DDX4: variants seen among roughly 807,000 people sequenced by gnomAD.
The protein encoded by DDX4 is DEAD-box helicase 4, also known as probable ATP-dependent RNA helicase DDX4.
Under a neutral mutation model 100.0 loss-of-function variants are expected in DDX4, and 25 were observed. The observed-to-expected ratio is 0.25, with a 90% CI of 0.18 to 0.35. The LOEUF is 0.35. Ranked by LOEUF, DDX4 falls within the 10% of genes least tolerant of loss-of-function variation. The pLI is 1.00. For synonymous variants in DDX4, 259 were observed against 275.7 expected, an observed-to-expected ratio of 0.94 and a Z score of 0.60; for missense variants, 635 against 882.4, an observed-to-expected ratio of 0.72 and a Z score of 3.55.
chr5:55,759,498 T>C (rs891981484), intron 3 of DDX4, among the ~76,000 whole-genome samples: 2 of 118,756 alleles, frequency 1.7e-5, no homozygotes, highest in Non-Finnish European at 3.4e-5. Flanking sequence ...TATTGAACTC[T>C]TGTTGAATTT....
intron 17 of DDX4, among the ~76,000 whole-genome samples, chr5:55,796,823 CTTTTTTTTTTTTTTTTTTTT>C (rs3990072): frequency 5.0e-5 from 3 of 59,936 alleles, no homozygotes; most frequent in South Asian, 8.9e-4. Flanking sequence ...TTCTTTCTTT[CTTTTTTTTTTTTTTTTTTTT>C]TTTTTTTTTT....
chr5:55,756,584 A>T (rs1426514255), intron 3 of DDX4, among the ~76,000 whole-genome samples: 1 of 152,174 alleles, frequency 6.6e-6, no homozygotes. Context: ...CTTAGAGCGC[A>T]TACTGAAGTC....
Position 55,738,862 on chromosome 5 carries a change from T to G in DDX4, c.-14-88T>G. The G allele has an allele frequency of 3.7e-6, 3 of 820,974 alleles. No homozygotes were observed. The South Asian group carries it at 4.5e-5, about 12-fold the overall frequency. 50.9% of individuals were successfully genotyped at this position (820,974 alleles called of 1,614,324 possible). A position where few individuals can be genotyped will look rare whatever the true frequency, so the allele number is the denominator to read the frequency against. On this transcript the variant is annotated intron_variant, in intron 1 of 21. Transcript: ENST00000505374. ...AGCACCTAGTTGGGTAGTTTCAAGATGTATGTGAAACAATGAGTTTATGCT... is the reference window on the plus strand; with the variant it reads ...AGCACCTAGTTGGGTAGTTTCAAGAGGTATGTGAAACAATGAGTTTATGCT...
chr5:55,783,867 T>C (rs992132922), intron 10 of DDX4, among the ~76,000 whole-genome samples: 2 of 151,620 alleles, frequency 1.3e-5, no homozygotes, highest in Non-Finnish European at 2.9e-5. Context: ...TACTTTAAGT[T>C]CTAGGGGACA....
intron 3 of DDX4, among the ~76,000 whole-genome samples, chr5:55,751,635 A>G (rs1251068837): frequency 6.6e-6 from 1 of 151,938 alleles, no homozygotes; most frequent in Non-Finnish European, 1.5e-5. Context: ...TTTTTAGTCT[A>G]TTTGTCTATT....
At position 55,785,823 on chromosome 5, in the gene DDX4, C is replaced by T. The variant is rs1306788572; in HGVS notation, c.816C>T (p.Asp272=). The T allele has an allele frequency of 1.2e-6, 2 of 1,609,524 alleles. No homozygotes were observed. Among genetic ancestry groups the T allele is most frequent in the South Asian group, 1.1e-5 (1 of 90,986 alleles). ...YQTGINFDKY[D]TILVEVSGHD... ...CAGGCATAAACTTCGACAAATACGA[C>T]ACTATTCTTGTGGAAGTGTCTGGAC... Residue 272 remains aspartate, a synonymous_variant, in exon 13 of 22, where the codon GAC becomes GAT. Transcript: ENST00000505374.
At position 55,767,452 on chromosome 5, in the gene DDX4, G is replaced by A. The variant is rs183329649; in HGVS notation, c.335-429G>A. Among the ~76,000 whole-genome samples the A allele has an allele frequency of 1.2e-4, 19 of 152,218 alleles. 1 individual carries two copies. The East Asian group carries it at 3.7e-3, about 29-fold the overall frequency. On this transcript the variant is annotated intron_variant, in intron 6 of 21. Coordinates refer to ENST00000505374, the MANE Select transcript of DDX4 (RefSeq NM_024415.3). ...GCTTGACTCCATCTCCAAAAATAAAGTAAATTACAGAAAAGATATGACATT... is the reference window on the plus strand; with the variant it reads ...GCTTGACTCCATCTCCAAAAATAAAATAAATTACAGAAAAGATATGACATT...
chr5:55,813,020 A>G (rs1481437734), intron 18 of DDX4, among the ~76,000 whole-genome samples: 1 of 152,054 alleles, frequency 6.6e-6, no homozygotes, highest in Non-Finnish European at 1.5e-5. Flanking sequence ...TTCTTCTCCA[A>G]CATTTTATAG....
intron 3 of DDX4, among the ~76,000 whole-genome samples, chr5:55,755,821 A>T (rs1015624745): frequency 6.6e-6 from 1 of 152,098 alleles, no homozygotes; most frequent in Admixed American, 6.6e-5. Flanking sequence ...TCAGAAGCTG[A>T]ACACTCCCTG....
chr5:55,793,023 A>AGTGTGTGTGTGTGT lies in DDX4; in HGVS notation c.1469+235_1469+248dup, dbSNP rs10551567. ...TGTTAACATCACATTTTATTTAAAA[A>AGTGTGTGTGTGTGT]GTGTGTGTGTGTGTGTGTGTGTGTG... On this transcript the variant is annotated intron_variant, in intron 17 of 21. Transcript: ENST00000505374. Among the ~76,000 whole-genome samples the AGTGTGTGTGTGTGT allele has an allele frequency of 9.0e-5, 13 of 144,762 alleles. No individual in the cohort carries two copies. The South Asian group carries it at 1.1e-3, about 12-fold the overall frequency. The allele number at this position is 144,762 out of a possible 152,430, so 95.0% of individuals were successfully genotyped here.
intron 6 of DDX4, among the ~76,000 whole-genome samples, chr5:55,764,920 T>C (rs1204903459): frequency 1.3e-5 from 2 of 152,206 alleles, no homozygotes; most frequent in African/African-American, 4.8e-5. Flanking sequence ...TCATTAAATA[T>C]TTGAAGCTGA....
chr5:55,753,597 A>C (rs1240092360), intron 3 of DDX4, among the ~76,000 whole-genome samples: 1 of 151,810 alleles, frequency 6.6e-6, no homozygotes, highest in Non-Finnish European at 1.5e-5. Flanking sequence ...GTTTGAAGTC[A>C]GGTAGTGTGA....
chr5:55,799,217 G>A (rs114083156), intron 18 of DDX4, among the ~76,000 whole-genome samples: 3 of 151,948 alleles, frequency 2.0e-5, no homozygotes, highest in Non-Finnish European at 4.4e-5. Context: ...ATAGGCATGC[G>A]CTACCATGCC....
rs1026293481 is a variant in DDX4 at position 55,787,957 on chromosome 5, T to C, written c.1129T>C (p.Leu377=). 6 of 1,613,784 alleles carry C rather than the reference T, an allele frequency of 3.7e-6. No homozygotes were observed. Among genetic ancestry groups the C allele is most frequent in the East Asian group, 2.2e-5 (1 of 44,836 alleles). ...ECIIVAPTRE[L]VNQIYLEARK... ...TATTATTGTAGCACCAACTCGAGAA[T>C]TGGTCAACCAGATTTATTTGGAAGC... The change falls in exon 15 of 22, where the codon TTG becomes CTG. Residue 377 remains leucine (L), a synonymous_variant. Transcript: ENST00000505374.
Position 55,776,363 on chromosome 5 carries a change from GGGA to G in DDX4, c.395-3594_395-3592del, listed in dbSNP as rs1351463490. Among the ~76,000 whole-genome samples, 4 of 152,142 alleles carry G rather than the reference GGGA, an allele frequency of 2.6e-5. No homozygotes were observed. The East Asian group carries it at 5.8e-4, about 22-fold the overall frequency. The stretch of plus-strand genomic sequence containing the variant: ...GTCTCCTGAGGAGTGGCCAGAAAAT[GGGA>G]GGAGGACAGGAAAGAAGAATATTCA... On this transcript the variant is annotated intron_variant, in intron 7 of 21. Transcript: ENST00000505374.
intron 7 of DDX4, among the ~76,000 whole-genome samples, chr5:55,779,421 A>T (rs1287197285): frequency 6.6e-6 from 1 of 152,160 alleles, no homozygotes; most frequent in Non-Finnish European, 1.5e-5. Context: ...GTTTTGCATT[A>T]ATCTGGTTCT....
At chr5:55,738,914 G>T (rs995904588) in intron 1 of DDX4, 36 bp from the exon 2 acceptor site, 18 of 1,083,718 alleles carry the variant, frequency 1.7e-5, no homozygotes, top group Non-Finnish European at 2.1e-5. Flanking sequence ...TGATCTAATT[G>T]AGTCCAAATG....
intron 3 of DDX4, among the ~76,000 whole-genome samples, chr5:55,747,852 G>C (rs1477512624): frequency 6.6e-6 from 1 of 152,184 alleles, no homozygotes; most frequent in Non-Finnish European, 1.5e-5. Context: ...ACTAGCATAA[G>C]GAAGAGGGCC....
At chr5:55,813,359 T>A (rs1433552883) in intron 18 of DDX4, among the ~76,000 whole-genome samples, 1 of 152,190 alleles carries the variant, frequency 6.6e-6, no homozygotes, top group East Asian at 1.9e-4. Context: ...AGGAAAGGAC[T>A]GAGACAATTT....
Sources: gnomAD v4.1 joint callset for allele counts (sites outside exome capture counted in the v4.1 genomes callset) on GRCh38, gnomAD v4.1.1 for gene constraint, MANE v1.5 for transcripts, NCBI Gene and HGNC (gene_info 2026-07-23, HGNC 2026-07-21) for gene names.